Variants in CLVS1 observed in about 807,000 individuals in gnomAD.
CLVS1 encodes the protein clavesin 1.
In CLVS1, 10 loss-of-function variants were observed where a neutral mutation model predicts 33.1. That is an observed-to-expected ratio of 0.30 (90% CI 0.19 to 0.51). CLVS1 has a LOEUF of 0.51. Ranked by LOEUF, CLVS1 falls within the 20% of genes least tolerant of loss-of-function variation. The pLI is 0.97. For missense variants in CLVS1, 343 were observed against 433.4 expected, an observed-to-expected ratio of 0.79 and a Z score of 1.85; for synonymous variants, 163 against 166.1, an observed-to-expected ratio of 0.98 and a Z score of 0.14.
At chr8:61,447,471 CCTT>C (rs1175387150) in intron 3 of CLVS1, among the ~76,000 whole-genome samples, 1 of 151,150 alleles carries the variant, frequency 6.6e-6, no homozygotes, top group Non-Finnish European at 1.5e-5. Flanking sequence ...GTCTTTCCTG[CCTT>C]CTTCTGGGTT....
chr8:61,059,449 T>C lies in CLVS1; in HGVS notation c.-243+2219T>C, dbSNP rs1311119583. Among the ~76,000 whole-genome samples, 21 of 130,456 alleles carry C rather than the reference T, an allele frequency of 1.6e-4. No homozygotes were observed. The East Asian group carries it at 2.2e-3, about 14-fold the overall frequency. 85.6% of individuals were successfully genotyped at this position (130,456 alleles called of 152,430 possible). A position where few individuals can be genotyped will look rare whatever the true frequency, so the allele number is the denominator to read the frequency against. ...GCAAGACCTATATCATATATATATA[T>C]ACACACACATATACATACATACATA... On this transcript the variant is annotated intron_variant, in intron 1 of 2. Coordinates refer to the CLVS1 transcript ENST00000522621.
chr8:61,426,700 T>C (rs1815907847), intron 3 of CLVS1, among the ~76,000 whole-genome samples: 3 of 152,222 alleles, frequency 2.0e-5, no homozygotes, highest in Admixed American at 2.0e-4. Context: ...TATGCCTGGC[T>C]CTGTGCTAGG....
chr8:61,023,102 A>G, the CLVS1 span, among the ~76,000 whole-genome samples: 1 of 152,252 alleles, frequency 6.6e-6, no homozygotes, highest in Non-Finnish European at 1.5e-5. Context: ...TTAGGGAGGA[A>G]AATAAATATT....
chr8:61,387,263 C>T lies in CLVS1; in HGVS notation c.630+10484C>T, dbSNP rs1352592529. 4.6e-5 allele frequency among the ~76,000 whole-genome samples: 7 copies of T among 151,872 alleles called. No individual in the cohort carries two copies. In the East Asian group the frequency reaches 5.8e-4, roughly 13 times the overall value. On this transcript the variant is annotated intron_variant, in intron 3 of 5. Coordinates refer to ENST00000325897, the MANE Select transcript of CLVS1 (RefSeq NM_173519.3). ...TTAGCCGGTCATGATGGAGGGTGCT[C>T]GTAATCCCAGCTACTCTGGAGGCTG...
intron 3 of CLVS1, among the ~76,000 whole-genome samples, chr8:61,417,212 G>T (rs1815472764): frequency 6.6e-6 from 1 of 152,122 alleles, no homozygotes; most frequent in Admixed American, 6.5e-5. Context: ...GAAAGACAAT[G>T]ATCTCTAAAC....
chr8:61,439,328 TGTATTTG>T (rs1395577899), intron 3 of CLVS1, among the ~76,000 whole-genome samples: 1 of 152,252 alleles, frequency 6.6e-6, no homozygotes, highest in African/African-American at 2.4e-5. Flanking sequence ...CTAACCATAA[TGTATTTG>T]GTATTTAATA....
At chr8:61,491,466 A>G (rs1804086614) in intron 5 of CLVS1, among the ~76,000 whole-genome samples, 1 of 152,236 alleles carries the variant, frequency 6.6e-6, no homozygotes, top group Non-Finnish European at 1.5e-5. Context: ...TTTTGCTATA[A>G]CAACTTCAAA....
At chr8:61,227,409 C>A (rs1808354841) in intron 2 of CLVS1, among the ~76,000 whole-genome samples, 1 of 151,700 alleles carries the variant, frequency 6.6e-6, no homozygotes, top group Non-Finnish European at 1.5e-5. Context: ...TTTGATGTAC[C>A]CTGAGCTGAA....
chr8:61,101,892 T>C (rs1203852290), intron 1 of CLVS1, among the ~76,000 whole-genome samples: 1 of 152,088 alleles, frequency 6.6e-6, no homozygotes, highest in Non-Finnish European at 1.5e-5. Context: ...TTGAGGTCCT[T>C]GTGAAAAATC....
chr8:61,371,155 A>G (rs1302815494), intron 2 of CLVS1, among the ~76,000 whole-genome samples: 1 of 152,064 alleles, frequency 6.6e-6, no homozygotes, highest in African/African-American at 2.4e-5. Context: ...CATGCCAACA[A>G]CTATTATTTT....
At position 61,500,062 on chromosome 8, in the gene CLVS1, G is replaced by GCAT. The variant is rs1804525873; in HGVS notation, c.*522_*524dup. On this transcript the variant is annotated 3_prime_UTR_variant, in exon 6 of 6. Coordinates refer to ENST00000325897, the MANE Select transcript of CLVS1 (RefSeq NM_173519.3). ...ATTATTTCCTTTGACCTCATCACCA[G>GCAT]CATCGAATTGTTCAGCCTAAGAGCA... 1 of 152,858 alleles carries GCAT rather than the reference G, an allele frequency of 6.5e-6. No homozygotes were observed. The allele number at this position is 152,858 out of a possible 1,614,324, so 9.5% of individuals were successfully genotyped here.
chr8:61,080,921 A>G (rs934131319), intron 1 of CLVS1, among the ~76,000 whole-genome samples: 7 of 152,224 alleles, frequency 4.6e-5, no homozygotes, highest in African/African-American at 1.7e-4. Flanking sequence ...TTTGAAGAAT[A>G]GATAAGAATT....
chr8:61,447,596 T>C (rs1327573731), intron 3 of CLVS1, among the ~76,000 whole-genome samples: 1 of 152,004 alleles, frequency 6.6e-6, no homozygotes, highest in African/African-American at 2.4e-5. Flanking sequence ...CATTCATAAC[T>C]TATAGTCTTT....
At chr8:61,041,236 C>T in the CLVS1 span, among the ~76,000 whole-genome samples, 1 of 151,932 alleles carries the variant, frequency 6.6e-6, no homozygotes, top group Admixed American at 6.6e-5. Flanking sequence ...TTATTGTAGC[C>T]TTATAGTATA....
At chr8:61,257,646 G>A (rs984039696) in intron 2 of CLVS1, among the ~76,000 whole-genome samples, 2 of 152,134 alleles carry the variant, frequency 1.3e-5, no homozygotes, top group Admixed American at 6.5e-5. Flanking sequence ...AAAGGGATGA[G>A]GGTTGGGAGA....
At chr8:61,260,091 T>C (rs1200670273) in intron 2 of CLVS1, among the ~76,000 whole-genome samples, 1 of 152,216 alleles carries the variant, frequency 6.6e-6, no homozygotes, top group Admixed American at 6.5e-5. Flanking sequence ...TTCCCTGCCA[T>C]CTCCCTCCGT....
At chr8:61,140,632 G>C (rs752767414) in intron 2 of CLVS1, among the ~76,000 whole-genome samples, 1 of 151,962 alleles carries the variant, frequency 6.6e-6, no homozygotes, top group African/African-American at 2.4e-5. Flanking sequence ...GCGCGATCTC[G>C]GCTCACTGGA....
At chr8:61,353,008 T>C (rs1036411695) in intron 2 of CLVS1, among the ~76,000 whole-genome samples, 1 of 152,058 alleles carries the variant, frequency 6.6e-6, no homozygotes, top group Non-Finnish European at 1.5e-5. Context: ...TTCCTGTGGA[T>C]ATTGAGAGAT....
intron 1 of CLVS1, 42 bp downstream of exon 1, chr8:61,288,180 T>G (rs1563478321): frequency 4.4e-6 from 2 of 456,284 alleles, no homozygotes; most frequent in South Asian, 1.5e-5. Flanking sequence ...TTGCCGAGCC[T>G]CCCCGCCTTT....
Sources: gnomAD v4.1 joint callset for allele counts (sites outside exome capture counted in the v4.1 genomes callset) on GRCh38, gnomAD v4.1.1 for gene constraint, MANE v1.5 for transcripts, NCBI Gene and HGNC (gene_info 2026-07-23, HGNC 2026-07-21) for gene names.